SMAP1: variants seen among roughly 807,000 people sequenced by gnomAD.
SMAP1 encodes stromal membrane-associated protein 1.
In SMAP1, 24 loss-of-function variants were observed where a neutral mutation model predicts 58.5. That is an observed-to-expected ratio of 0.41 (90% CI 0.30 to 0.58). The LOEUF is 0.58. Among genes scored for constraint, SMAP1 ranks in the 20% least tolerant of loss-of-function variants. SMAP1 has a pLI of 0.29. For synonymous variants in SMAP1, 216 were observed against 196.6 expected, an observed-to-expected ratio of 1.10 and a Z score of -0.82; for missense variants, 563 against 566.3, an observed-to-expected ratio of 0.99 and a Z score of 0.06.
intron 1 of SMAP1, among the ~76,000 whole-genome samples, chr6:70,686,667 A>C (rs1031630015): frequency 1.3e-5 from 2 of 152,186 alleles, no homozygotes; most frequent in African/African-American, 4.8e-5. Context: ...TTTTCAGTAC[A>C]ATTGGGCTTC....
intron 4 of SMAP1, among the ~76,000 whole-genome samples, chr6:70,779,118 G>A (rs949649037): frequency 6.6e-5 from 10 of 152,246 alleles, no homozygotes; most frequent in African/African-American, 2.4e-4. Context: ...GGTCTGGAGA[G>A]CACATGCTTC....
chr6:70,796,464 T>A (rs1246099892), intron 5 of SMAP1, among the ~76,000 whole-genome samples: 2 of 152,224 alleles, frequency 1.3e-5, no homozygotes, highest in Non-Finnish European at 2.9e-5. Context: ...AGAAAATTGT[T>A]GCAAAGATTA....
chr6:70,765,653 T>A (rs1313481118), intron 3 of SMAP1, among the ~76,000 whole-genome samples: 1 of 152,168 alleles, frequency 6.6e-6, no homozygotes, highest in East Asian at 1.9e-4. Context: ...TACCACATCA[T>A]TTATTTATTG....
intron 6 of SMAP1, among the ~76,000 whole-genome samples, chr6:70,831,410 C>T (rs1362496354): frequency 6.6e-6 from 1 of 152,014 alleles, no homozygotes; most frequent in Non-Finnish European, 1.5e-5. Context: ...TGATCCTCTC[C>T]CTCCTTCCAC....
chr6:70,855,513 T>C (rs1771380264), intron 8 of SMAP1, among the ~76,000 whole-genome samples: 1 of 152,216 alleles, frequency 6.6e-6, no homozygotes, highest in Non-Finnish European at 1.5e-5. Context: ...CAGCAGACTT[T>C]TAGGTTGAAC....
At chr6:70,679,398 C>G (rs1216496729) in intron 1 of SMAP1, among the ~76,000 whole-genome samples, 1 of 152,080 alleles carries the variant, frequency 6.6e-6, no homozygotes, top group Non-Finnish European at 1.5e-5. Flanking sequence ...CTTAAATTAG[C>G]CTTTCTCACA....
At chr6:70,800,813 A>G (rs1055896614) in intron 6 of SMAP1, among the ~76,000 whole-genome samples, 30 of 152,136 alleles carry the variant, frequency 2.0e-4, no homozygotes, top group African/African-American at 6.3e-4. Flanking sequence ...GATGGTTTCC[A>G]GCTTCATCCA....
intron 2 of SMAP1, among the ~76,000 whole-genome samples, chr6:70,752,543 CTATTTT>C (rs1766321694): frequency 6.6e-6 from 1 of 152,056 alleles, no homozygotes; most frequent in Non-Finnish European, 1.5e-5. Flanking sequence ...AGCTATTATG[CTATTTT>C]TATTATTTTT....
chr6:70,703,083 G>A (rs1377883139), intron 1 of SMAP1, among the ~76,000 whole-genome samples: 1 of 150,648 alleles, frequency 6.6e-6, no homozygotes, highest in Non-Finnish European at 1.5e-5. Context: ...CTTTTTTCAC[G>A]ACTTTTTTTT....
chr6:70,689,035 T>G (rs576007624), intron 1 of SMAP1, among the ~76,000 whole-genome samples: 56 of 152,214 alleles, frequency 3.7e-4, no homozygotes, highest in Middle Eastern at 3.4e-3. Flanking sequence ...AGTCTTACTC[T>G]GTCACCCAGG....
At chr6:70,832,141 T>A (rs1282544233) in intron 6 of SMAP1, among the ~76,000 whole-genome samples, 1 of 152,216 alleles carries the variant, frequency 6.6e-6, no homozygotes, top group Non-Finnish European at 1.5e-5. Context: ...TTTAAGTTCC[T>A]TATAGATTCT....
At chr6:70,838,688 C>T (rs1308886036) in intron 7 of SMAP1, among the ~76,000 whole-genome samples, 1 of 149,072 alleles carries the variant, frequency 6.7e-6, no homozygotes, top group Non-Finnish European at 1.5e-5. Context: ...GACAGTGTGG[C>T]TAAAGTGGAA....
intron 4 of SMAP1, among the ~76,000 whole-genome samples, chr6:70,786,036 A>T (rs1228507075): frequency 2.0e-5 from 3 of 152,306 alleles, no homozygotes; most frequent in East Asian, 3.9e-4. Flanking sequence ...TGATGAACAT[A>T]CATGCAAAAA....
intron 7 of SMAP1, among the ~76,000 whole-genome samples, chr6:70,848,464 G>A (rs1488106871): frequency 6.6e-6 from 1 of 152,104 alleles, no homozygotes; most frequent in East Asian, 1.9e-4. Flanking sequence ...ATAATTAGGC[G>A]CAGTTGAAAT....
intron 7 of SMAP1, among the ~76,000 whole-genome samples, chr6:70,851,226 A>G (rs1374709004): frequency 6.6e-6 from 1 of 152,180 alleles, no homozygotes; most frequent in Non-Finnish European, 1.5e-5. Flanking sequence ...AAAATATTTT[A>G]TCGTGACTAT....
chr6:70,726,889 G>GTGTGTA (rs1768814335), intron 1 of SMAP1, among the ~76,000 whole-genome samples: 1 of 150,988 alleles, frequency 6.6e-6, no homozygotes, highest in Non-Finnish European at 1.5e-5. Context: ...GTGTGTGTGT[G>GTGTGTA]TGTGTGTGTG....
At chr6:70,728,206 C>G (rs1269525329) in intron 1 of SMAP1, among the ~76,000 whole-genome samples, 1 of 152,172 alleles carries the variant, frequency 6.6e-6, no homozygotes, top group Non-Finnish European at 1.5e-5. Context: ...GTTGCAGGTT[C>G]ATTCCTTATT....
intron 6 of SMAP1, among the ~76,000 whole-genome samples, chr6:70,814,803 G>A (rs947981044): frequency 2.0e-5 from 3 of 152,122 alleles, no homozygotes; most frequent in Non-Finnish European, 4.4e-5. Flanking sequence ...ATTGGTGGTA[G>A]ATTAAATGTT....
intron 1 of SMAP1, among the ~76,000 whole-genome samples, chr6:70,699,523 A>G (rs1427846340): frequency 6.6e-6 from 1 of 152,168 alleles, no homozygotes; most frequent in African/African-American, 2.4e-5. Context: ...GTGGGTCCAG[A>G]AATGCCTGAG....
Sources: gnomAD v4.1 joint callset for allele counts (sites outside exome capture counted in the v4.1 genomes callset) on GRCh38, gnomAD v4.1.1 for gene constraint, MANE v1.5 for transcripts, NCBI Gene and HGNC (gene_info 2026-07-23, HGNC 2026-07-21) for gene names.